SMYD3: variants seen among roughly 807,000 people sequenced by gnomAD.
The protein encoded by SMYD3 is SET and MYND domain containing 3, also known as histone-lysine N-methyltransferase SMYD3.
A neutral mutation model predicts 57.7 loss-of-function variants in SMYD3; 36 were observed. That is an observed-to-expected ratio of 0.62 (90% confidence interval 0.48 to 0.82). The LOEUF (loss-of-function observed/expected upper bound fraction) is 0.82, where lower values mean the gene tolerates loss of function less well. Ranked by LOEUF, SMYD3 falls within the 40% of genes least tolerant of loss-of-function variation. The pLI, the probability that SMYD3 is intolerant of heterozygous loss-of-function variation, is 0.00. For synonymous variants in SMYD3, 211 were observed against 195.0 expected, an observed-to-expected ratio of 1.08 and a Z score of -0.68; for missense variants, 515 against 538.8, an observed-to-expected ratio of 0.96 and a Z score of 0.44.
At chr1:246,187,536 A>AC (rs1463750378) in intron 5 of SMYD3, among the ~76,000 whole-genome samples, 6 of 152,216 alleles carry the variant, frequency 3.9e-5, no homozygotes, top group Non-Finnish European at 8.8e-5. Context: ...CACAGTGGTA[A>AC]AGCAAGCTGC....
chr1:245,782,242 G>A (rs1398434109), intron 10 of SMYD3, among the ~76,000 whole-genome samples: 1 of 152,120 alleles, frequency 6.6e-6, no homozygotes, highest in East Asian at 1.9e-4. Context: ...GTCTCCAGAG[G>A]AGCCCCTGCA....
At chr1:246,006,906 T>C (rs2059183355) in intron 5 of SMYD3, among the ~76,000 whole-genome samples, 1 of 152,068 alleles carries the variant, frequency 6.6e-6, no homozygotes, top group African/African-American at 2.4e-5. Context: ...CACTATGAAA[T>C]CTAAGAGCAG....
At chr1:246,089,724 T>A (rs1292941118) in intron 5 of SMYD3, among the ~76,000 whole-genome samples, 4 of 152,146 alleles carry the variant, frequency 2.6e-5, no homozygotes, top group African/African-American at 4.8e-5. Flanking sequence ...TGCCCCTTTA[T>A]CTCATGATGG....
chr1:246,076,786 A>C (rs2060556916), intron 5 of SMYD3, among the ~76,000 whole-genome samples: 1 of 152,174 alleles, frequency 6.6e-6, no homozygotes, highest in Non-Finnish European at 1.5e-5. Context: ...GTATTTATTG[A>C]ATGTCTTTAT....
intron 5 of SMYD3, among the ~76,000 whole-genome samples, chr1:246,297,487 T>C (rs2064817935): frequency 6.6e-6 from 1 of 152,146 alleles, no homozygotes; most frequent in South Asian, 2.1e-4. Flanking sequence ...ATTTGTCTTA[T>C]ATTCTAAGAT....
intron 5 of SMYD3, among the ~76,000 whole-genome samples, chr1:245,948,064 A>G (rs2147928200): frequency 6.6e-6 from 1 of 152,200 alleles, no homozygotes; most frequent in South Asian, 2.1e-4. Context: ...GTTTCGCCAG[A>G]ACCTCGGTAC....
At chr1:246,404,569 G>A (rs2066828244) in intron 1 of SMYD3, among the ~76,000 whole-genome samples, 1 of 152,168 alleles carries the variant, frequency 6.6e-6, no homozygotes, top group South Asian at 2.1e-4. Context: ...ACAGTGAGGA[G>A]TTTGCAAGTT....
At chr1:245,999,173 C>G (rs1394079735) in intron 5 of SMYD3, among the ~76,000 whole-genome samples, 2 of 151,526 alleles carry the variant, frequency 1.3e-5, no homozygotes, top group African/African-American at 4.9e-5. Context: ...AAAAAAAACC[C>G]ACAAAAACAA....
At chr1:245,976,236 CCAGGGAAAGCCA>C (rs2058420351) in intron 5 of SMYD3, among the ~76,000 whole-genome samples, 4 of 46,182 alleles carry the variant, frequency 8.7e-5, no homozygotes, top group African/African-American at 2.9e-4. Context: ...CGTCTCTAGC[CCAGGGAAAGCCA>C]TCGTCTCCGG....
At chr1:246,245,120 CT>C (rs74163421) in intron 5 of SMYD3, among the ~76,000 whole-genome samples, 37,695 of 122,624 alleles carry the variant, frequency 0.31, 4,420 homozygotes, top group Middle Eastern at 0.5. Context: ...CAGCTACTGC[CT>C]TTTTTTTTTT....
rs547896617 is a variant in SMYD3 at position 245,778,419 on chromosome 1, G to A, written c.1077-14270C>T. Among the ~76,000 whole-genome samples, 9 of 152,218 alleles carry A rather than the reference G, an allele frequency of 5.9e-5. No individual in the cohort carries two copies. In the South Asian group the frequency reaches 1.7e-3, roughly 28 times the overall value. Reference sequence around the variant, plus strand: ...CCAAAGGCATAAGAACAATTCAATGGAGTAAGGATGGCATTTTTAACCATC... The same window carrying A: ...CCAAAGGCATAAGAACAATTCAATGAAGTAAGGATGGCATTTTTAACCATC... On this transcript the variant is annotated intron_variant, in intron 10 of 11. Coordinates refer to ENST00000490107, the MANE Select transcript of SMYD3 (RefSeq NM_001167740.2).
At chr1:246,331,358 T>C (rs1291112252) in intron 3 of SMYD3, among the ~76,000 whole-genome samples, 1 of 152,232 alleles carries the variant, frequency 6.6e-6, no homozygotes, top group Non-Finnish European at 1.5e-5. Flanking sequence ...TATGTGTATC[T>C]TCCTTGAAGA....
chr1:246,065,901 T>C (rs1323821601), intron 5 of SMYD3, among the ~76,000 whole-genome samples: 1 of 152,252 alleles, frequency 6.6e-6, no homozygotes, highest in African/African-American at 2.4e-5. Flanking sequence ...TTATATCTGT[T>C]ACTAACATGA....
At chr1:246,152,276 AAG>A (rs1409229727) in intron 5 of SMYD3, among the ~76,000 whole-genome samples, 1 of 152,192 alleles carries the variant, frequency 6.6e-6, no homozygotes, top group Non-Finnish European at 1.5e-5. Flanking sequence ...AAGTGGAGGG[AAG>A]AGAGTGTTTG....
intron 1 of SMYD3, among the ~76,000 whole-genome samples, chr1:246,495,176 C>G (rs2068338890): frequency 6.6e-6 from 1 of 151,734 alleles, no homozygotes; most frequent in African/African-American, 2.4e-5. Context: ...GGTGAAACCC[C>G]ATCTCTACTA....
chr1:246,479,502 A>ATTTTTTTTTT (rs35818746), intron 1 of SMYD3, among the ~76,000 whole-genome samples: 4 of 107,634 alleles, frequency 3.7e-5, no homozygotes, highest in Non-Finnish European at 7.1e-5. Context: ...AAAAAGCGGG[A>ATTTTTTTTTT]TTTTTTTTTT....
chr1:246,275,170 T>C (rs1016375546), intron 5 of SMYD3, among the ~76,000 whole-genome samples: 8 of 152,194 alleles, frequency 5.3e-5, no homozygotes, highest in African/African-American at 1.9e-4. Context: ...CAGGCAACTG[T>C]TTTCTGTAAA....
intron 3 of SMYD3, among the ~76,000 whole-genome samples, 190 bp from the exon 4 acceptor site, chr1:246,330,727 T>C (rs1236616100): frequency 6.6e-6 from 1 of 152,198 alleles, no homozygotes; most frequent in African/African-American, 2.4e-5. Flanking sequence ...CTAACTTGTA[T>C]CTTCACTCAA....
chr1:246,393,757 G>C (rs1013366020), intron 1 of SMYD3, among the ~76,000 whole-genome samples: 10 of 151,902 alleles, frequency 6.6e-5, no homozygotes, highest in Admixed American at 5.2e-4. Context: ...TTGGGAGGCT[G>C]AGGTAGGAGG....
Sources: gnomAD v4.1 joint callset for allele counts (sites outside exome capture counted in the v4.1 genomes callset) on GRCh38, gnomAD v4.1.1 for gene constraint, MANE v1.5 for transcripts, NCBI Gene and HGNC (gene_info 2026-07-23, HGNC 2026-07-21) for gene names.